The following MED1 variants were observed in gnomAD, a reference collection of about 807,000 sequenced individuals.
MED1 encodes the protein mediator complex subunit 1, also known as mediator of RNA polymerase II transcription subunit 1.
In MED1, 17 loss-of-function variants were observed where a neutral mutation model predicts 121.3. The ratio of observed to expected loss-of-function variants is 0.14; its 90% confidence interval spans 0.10 to 0.21. MED1 has a LOEUF of 0.21. Among genes scored for constraint, MED1 ranks in the 10% least tolerant of loss-of-function variants. The pLI, the probability that MED1 is intolerant of heterozygous loss-of-function variation, is 1.00. For synonymous variants in MED1, 661 were observed against 694.4 expected (o/e 0.95, Z 0.76); for missense variants, 1,558 against 1,919.4 (o/e 0.81, Z 3.52).
In MED1 at chr17:39,451,092, A is replaced by C; in HGVS notation, c.-30T>G. 6.2e-7 allele frequency: 1 copy of C among 1,609,038 alleles called. No homozygotes were observed. The highest frequency in any genetic ancestry group is 8.5e-7 in the Non-Finnish European group (1 of 1,177,942). On this transcript the variant is annotated 5_prime_UTR_variant, in exon 1 of 17. Coordinates refer to ENST00000300651, the MANE Select transcript of MED1 (RefSeq NM_004774.4). The stretch of plus-strand genomic sequence containing the variant: ...AAGGCGAGGAGAAGCTAGATCCGCC[A>C]CAAAAGGATAAGCCCTTCCCCACCA...
intron 14 of MED1, among the ~76,000 whole-genome samples, chr17:39,416,442 T>C (rs1459938982): frequency 6.6e-6 from 1 of 152,226 alleles, no homozygotes; most frequent in African/African-American, 2.4e-5. Flanking sequence ...TATGTTCTTA[T>C]GCCAGATGTG....
intron 13 of MED1, among the ~76,000 whole-genome samples, chr17:39,422,973 C>G (rs546445950): frequency 2.4e-4 from 35 of 145,708 alleles, no homozygotes; most frequent in South Asian, 2.2e-4. Context: ...TCAAGCCATT[C>G]TCCTCCCTCA....
chr17:39,435,374 T>G (rs569941465), intron 6 of MED1, among the ~76,000 whole-genome samples: 2 of 152,102 alleles, frequency 1.3e-5, no homozygotes, highest in African/African-American at 2.4e-5. Flanking sequence ...GACCTCTGGC[T>G]TTCTAGGACC....
intron 7 of MED1, among the ~76,000 whole-genome samples, chr17:39,432,433 G>A (rs1469042023): frequency 2.7e-5 from 4 of 150,498 alleles, no homozygotes; most frequent in Non-Finnish European, 5.9e-5. Flanking sequence ...AGTCTAAATT[G>A]AAGGCAAAAA....
In MED1 at chr17:39,410,254, T is replaced by A; in HGVS notation, c.1967A>T (p.Asp656Val). 2 of 1,613,926 alleles carry A rather than the reference T, an allele frequency of 1.2e-6. No homozygotes were observed. Among genetic ancestry groups the A allele is most frequent in the Non-Finnish European group, 1.7e-6 (2 of 1,179,974 alleles). ...MNLLKDNPAQ[D>V]FSTLYGSSPL... is the part of the protein sequence containing the mutation. ...GCTGCTTCCATAAAGGGTTGAGAAA[T>A]CCTGGGCAGGATTATCTTTAAGAAG... Residue 656 changes from aspartate (D) to valine (V), a missense_variant, in exon 17 of 17, where the codon GAT becomes GTT. Physicochemically the swap from Asp to Val is radical, Grantham distance 152. Transcript: ENST00000300651.
chr17:39,415,952 T>C (rs2048405620), intron 14 of MED1, among the ~76,000 whole-genome samples: 2 of 148,264 alleles, frequency 1.3e-5, no homozygotes, highest in Admixed American at 6.8e-5. Context: ...ATCATGTCAC[T>C]GAACCCCAGC....
chr17:39,420,028 G>C, intron 13 of MED1, 110 bp from the exon 14 acceptor site: 1 of 825,120 alleles, frequency 1.2e-6, no homozygotes, highest in Non-Finnish European at 1.9e-6. Context: ...AGTCTCCACA[G>C]TGAATGTTTT....
At chr17:39,420,453 G>A (rs2048451623) in intron 13 of MED1, among the ~76,000 whole-genome samples, 2 of 151,392 alleles carry the variant, frequency 1.3e-5, no homozygotes, top group Non-Finnish European at 2.9e-5. Flanking sequence ...CACCCACCTG[G>A]GCCTCCCAAA....
In MED1 at chr17:39,404,624, G is replaced by C. The variant is rs2048288772; in HGVS notation, c.*2851C>G. 6.6e-6 allele frequency: 1 copy of C among 152,062 alleles called. No individual in the cohort carries two copies. Among genetic ancestry groups the C allele is most frequent in the Admixed American group, 6.6e-5 (1 of 15,254 alleles). The allele number at this position is 152,062 out of a possible 1,614,324, so 9.4% of individuals were successfully genotyped here. On this transcript the variant is annotated 3_prime_UTR_variant, in exon 17 of 17. Transcript: ENST00000300651. ...AATGTATGGGGGGCAGGGGAGGAGG[G>C]GAGAAGGAAAAAAAAATGAGATTGC...
intron 1 of MED1, among the ~76,000 whole-genome samples, chr17:39,450,605 T>C (rs1158014654): frequency 1.3e-5 from 2 of 152,172 alleles, no homozygotes; most frequent in Non-Finnish European, 2.9e-5. Flanking sequence ...AAATACACAA[T>C]GGCACAGGAT....
intron 14 of MED1, among the ~76,000 whole-genome samples, chr17:39,415,883 A>G (rs1248486317): frequency 2.0e-5 from 3 of 150,676 alleles, no homozygotes; most frequent in Admixed American, 1.3e-4. Flanking sequence ...CTAGCTACTC[A>G]GAGGGCTGAG....
At chr17:39,422,071 T>C (rs1171862824) in intron 13 of MED1, among the ~76,000 whole-genome samples, 1 of 144,274 alleles carries the variant, frequency 6.9e-6, no homozygotes, top group Non-Finnish European at 1.5e-5. Context: ...GAGTTTGCAG[T>C]GAGCTGAGAT....
Position 39,406,936 on chromosome 17 carries a change from G to T in MED1, c.*539C>A. ...CTCCCCCAGTCACTCCTAAGAAACA[G>T]ACACCAAACATTACTTAAGTGTCCA... On this transcript the variant is annotated 3_prime_UTR_variant, in exon 17 of 17. Coordinates refer to ENST00000300651, the MANE Select transcript of MED1 (RefSeq NM_004774.4). 2.0e-6 allele frequency: 2 copies of T among 986,024 alleles called. No homozygotes were observed. The highest frequency in any genetic ancestry group is 2.4e-6 in the Non-Finnish European group (2 of 830,038). The allele number at this position is 986,024 out of a possible 1,614,324, so 61.1% of individuals were successfully genotyped here.
chr17:39,406,029 G>A lies in MED1; in HGVS notation c.*1446C>T, dbSNP rs1042243825. On this transcript the variant is annotated 3_prime_UTR_variant, in exon 17 of 17. Transcript: ENST00000300651. ...CAGGTGTCAATATCAAAGTAAGGCC[G>A]CAGAATTTTTGAGAGGACCCTCCAA... is the stretch of plus-strand genomic sequence containing the variant. 8.1e-6 allele frequency: 8 copies of A among 985,212 alleles called. No homozygotes were observed. Among genetic ancestry groups the A allele is most frequent in the Non-Finnish European group, 9.6e-6 (8 of 829,894 alleles). 61.0% of individuals were successfully genotyped at this position (985,212 alleles called of 1,614,324 possible). A position where few individuals can be genotyped will look rare whatever the true frequency, so the allele number is the denominator to read the frequency against.
intron 2 of MED1, chr17:39,445,465 G>C (rs2048717417): frequency 1.3e-5 from 2 of 152,074 alleles, no homozygotes; most frequent in South Asian, 4.1e-4. Context: ...ACCCGCCTCA[G>C]CCTCCCAAAG....
intron 14 of MED1, 124 bp downstream of exon 14, chr17:39,419,593 C>T (rs1408725989): frequency 1.2e-5 from 11 of 930,476 alleles, no homozygotes; most frequent in Non-Finnish European, 1.8e-5. Context: ...ATTTTTATGC[C>T]AAATATGAAA....
At chr17:39,412,375 T>G (rs1184321821) in intron 16 of MED1, among the ~76,000 whole-genome samples, 1 of 149,468 alleles carries the variant, frequency 6.7e-6, no homozygotes, top group Admixed American at 6.7e-5. Flanking sequence ...ATTACAGCCA[T>G]GCGCCATCAC....
At chr17:39,411,061 C>G (rs2144717468) in intron 16 of MED1, among the ~76,000 whole-genome samples, 1 of 152,322 alleles carries the variant, frequency 6.6e-6, no homozygotes. Context: ...TGGCTCACGC[C>G]TGTAATCCCA....
chr17:39,415,848 G>C (rs192769529), intron 14 of MED1, among the ~76,000 whole-genome samples: 125 of 150,572 alleles, frequency 8.3e-4, no homozygotes, highest in Non-Finnish European at 1.4e-3. Flanking sequence ...AAATTAGCCG[G>C]GTGTGGTGGC....
Sources: gnomAD v4.1 joint callset for allele counts (sites outside exome capture counted in the v4.1 genomes callset) on GRCh38, gnomAD v4.1.1 for gene constraint, MANE v1.5 for transcripts, NCBI Gene and HGNC (gene_info 2026-07-23, HGNC 2026-07-21) for gene names.